The following RSRP1 variants were observed in gnomAD, a reference collection of about 807,000 sequenced individuals.
The protein encoded by RSRP1 is arginine and serine rich protein 1, also known as arginine/serine-rich protein 1.
Under a neutral mutation model 33.0 loss-of-function variants are expected in RSRP1, and 37 were observed. That is an observed-to-expected ratio of 1.12 (90% CI 0.86 to 1.48). RSRP1 has a LOEUF of 1.48. RSRP1 is among the 40% of genes most tolerant of loss of function. RSRP1 has a pLI of 0.00. For synonymous variants in RSRP1, 167 were observed against 158.7 expected, an observed-to-expected ratio of 1.05 and a Z score of -0.40; for missense variants, 402 against 385.3, an observed-to-expected ratio of 1.04 and a Z score of -0.36.
At chr1:25,258,772 A>C (rs534791349) in intron 1 of RSRP1, among the ~76,000 whole-genome samples, 1 of 152,360 alleles carries the variant, frequency 6.6e-6, no homozygotes, top group South Asian at 2.1e-4. Context: ...TTCTGGAACC[A>C]AACAATGAAA....
chr1:25,288,019 A>G (rs1571617958), intron 1 of RSRP1, among the ~76,000 whole-genome samples: 4 of 131,744 alleles, frequency 3.0e-5, no homozygotes, highest in South Asian at 4.6e-4. Context: ...CACTGTGTCC[A>G]GCCTAAAACT....
intron 3 of RSRP1, chr1:25,244,167 T>C (rs1177730497): frequency 7.8e-7 from 1 of 1,288,652 alleles, no homozygotes; most frequent in Non-Finnish European, 1.0e-6. Context: ...TCTGGAGAAT[T>C]ATAATAAACT....
At chr1:25,281,171 G>T (rs1435418823) in intron 1 of RSRP1, among the ~76,000 whole-genome samples, 2 of 132,296 alleles carry the variant, frequency 1.5e-5, no homozygotes, top group Non-Finnish European at 3.6e-5. Flanking sequence ...ATAGTTCCAG[G>T]CATTCAGAGC....
chr1:25,325,047 CAA>C (rs1644897924), intron 1 of RSRP1, among the ~76,000 whole-genome samples: 1 of 52,480 alleles, frequency 1.9e-5, no homozygotes, highest in African/African-American at 8.6e-5. Context: ...GGCTATGTCT[CAA>C]AAGAGAAAAA....
At chr1:25,276,532 T>TAAAAAAAAAAAAAAAAAAAAAAAA (rs557746335) in intron 1 of RSRP1, among the ~76,000 whole-genome samples, 6 of 64,782 alleles carry the variant, frequency 9.3e-5, no homozygotes, top group African/African-American at 3.6e-4. Flanking sequence ...CCCCCATCTC[T>TAAAAAAAAAAAAAAAAAAAAAAAA]AAAAAAAAAA....
intron 1 of RSRP1, among the ~76,000 whole-genome samples, chr1:25,321,424 G>C (rs1248454376): frequency 1.6e-5 from 2 of 122,722 alleles, no homozygotes; most frequent in African/African-American, 5.5e-5. Context: ...ACTTTGGAAG[G>C]CTGAGGTGGG....
chr1:25,253,011 AG>A (rs1429163451), intron 1 of RSRP1: 3 of 152,238 alleles, frequency 2.0e-5, no homozygotes, highest in Non-Finnish European at 4.4e-5. Flanking sequence ...GCAAGTGCCC[AG>A]GGACAGATTT....
intron 1 of RSRP1, among the ~76,000 whole-genome samples, chr1:25,263,337 C>A (rs1007767418): frequency 6.6e-6 from 1 of 151,706 alleles, no homozygotes; most frequent in Non-Finnish European, 1.5e-5. Flanking sequence ...TTCACAAACC[C>A]GAGACTAGGC....
Position 25,307,381 on chromosome 1 carries a change from T to C in RSRP1, c.-67+30597A>G, listed in dbSNP as rs1443275234. ...AGCCCTAGCCATTACTTCCTGGATG[T>C]TGTGTGAATATTTTCTGGACATGGC... On this transcript the variant is annotated intron_variant, in intron 1 of 1. Coordinates refer to the RSRP1 transcript ENST00000561867. Among the ~76,000 whole-genome samples the C allele has an allele frequency of 1.5e-5, 2 of 131,494 alleles. 1 individual carries two copies. The highest frequency in any genetic ancestry group is 3.9e-4 in the East Asian group (2 of 5,114). The allele number at this position is 131,494 out of a possible 152,430, so 86.3% of individuals were successfully genotyped here. A position where few individuals can be genotyped will look rare whatever the true frequency, so the allele number is the denominator to read the frequency against.
At position 25,306,630 on chromosome 1, in the gene RSRP1, G is replaced by T. The variant is rs377051051; in HGVS notation, c.-67+31348C>A. The T allele has an allele frequency of 2.9e-6, 4 of 1,378,326 alleles. 1 individual carries two copies. The highest frequency in any genetic ancestry group is 4.5e-5 in the East Asian group (2 of 44,626). 85.4% of individuals were successfully genotyped at this position (1,378,326 alleles called of 1,614,324 possible). On this transcript the variant is annotated intron_variant, in intron 1 of 1. Coordinates refer to the RSRP1 transcript ENST00000561867. The stretch of plus-strand genomic sequence containing the variant: ...AACCGAGTGCTGGGGATTCCCCACA[G>T]CTCCATCATGGGCTACAACTTCAGC...
Position 25,304,039 on chromosome 1 carries a change from G to A in RSRP1, c.-67+33939C>T, listed in dbSNP as rs1249532752. Reference sequence around the variant, plus strand: ...GATGATGTGAGAGGAGCAGCACCCAGAAGAGGGAGTGCTGGGCTGATGGTC... The same window carrying A: ...GATGATGTGAGAGGAGCAGCACCCAAAAGAGGGAGTGCTGGGCTGATGGTC... On this transcript the variant is annotated intron_variant, in intron 1 of 1. Transcript: ENST00000561867. 1.7e-4 allele frequency among the ~76,000 whole-genome samples: 14 copies of A among 84,842 alleles called. 1 individual carries two copies. The highest frequency in any genetic ancestry group is 2.8e-5 in the Non-Finnish European group (1 of 35,164). The allele number at this position is 84,842 out of a possible 152,430, so 55.7% of individuals were successfully genotyped here.
At chr1:25,315,167 T>A (rs1446649491) in intron 1 of RSRP1, among the ~76,000 whole-genome samples, 1 of 129,546 alleles carries the variant, frequency 7.7e-6, no homozygotes, top group African/African-American at 2.7e-5. Context: ...AAAAAAATTT[T>A]TTTTGCAAGG....
intron 1 of RSRP1, among the ~76,000 whole-genome samples, chr1:25,258,047 T>TA (rs1433619718): frequency 6.6e-6 from 1 of 152,204 alleles, no homozygotes; most frequent in Non-Finnish European, 1.5e-5. Flanking sequence ...CAAGTAGCTT[T>TA]ACCTAACTGG....
At chr1:25,258,770 C>A (rs1420767637) in intron 1 of RSRP1, among the ~76,000 whole-genome samples, 1 of 151,998 alleles carries the variant, frequency 6.6e-6, no homozygotes, top group African/African-American at 2.4e-5. Context: ...CTTTCTGGAA[C>A]CAAACAATGA....
intron 1 of RSRP1, among the ~76,000 whole-genome samples, chr1:25,300,613 C>A (rs1320946255): frequency 7.6e-6 from 1 of 130,794 alleles, no homozygotes; most frequent in African/African-American, 2.6e-5. Flanking sequence ...AGTTTGAGAC[C>A]AGCCTGGCAA....
At chr1:25,244,958 G>A (rs1319898521) in intron 3 of RSRP1, 192 bp downstream of exon 3, 13 of 1,451,144 alleles carry the variant, frequency 9.0e-6, no homozygotes, top group Non-Finnish European at 1.2e-5. Flanking sequence ...ACCATGCACG[G>A]CCAAATAAAG....
intron 1 of RSRP1, among the ~76,000 whole-genome samples, chr1:25,285,157 G>A (rs1208678209): frequency 1.6e-5 from 2 of 125,762 alleles, no homozygotes; most frequent in Admixed American, 1.5e-4. Flanking sequence ...TTTTTGAGAC[G>A]GAGTTTCACT....
At chr1:25,273,010 C>G (rs1640624094) in intron 1 of RSRP1, among the ~76,000 whole-genome samples, 1 of 132,578 alleles carries the variant, frequency 7.5e-6, no homozygotes, top group East Asian at 1.9e-4. Context: ...TTCCCCTTCT[C>G]TCTCCTCAGT....
chr1:25,309,295 T>C (rs1644016909), intron 1 of RSRP1, among the ~76,000 whole-genome samples: 1 of 131,544 alleles, frequency 7.6e-6, no homozygotes, highest in Non-Finnish European at 1.8e-5. Context: ...AGATACTCTT[T>C]TTCAATTCTC....
Sources: allele counts gnomAD v4.1 joint callset (sites outside exome capture counted in the v4.1 genomes callset), GRCh38; gene constraint gnomAD v4.1.1; transcripts MANE v1.5; gene names NCBI Gene and HGNC (gene_info 2026-07-23, HGNC 2026-07-21).